MGAT4A: variants seen among roughly 807,000 people sequenced by gnomAD.
MGAT4A encodes N-acetylglucosaminyltransferase IVa.
MGAT4A carries 33 observed loss-of-function variants against 74.1 expected under a neutral mutation model. The observed-to-expected ratio is 0.45, with a 90% CI of 0.34 to 0.60. The LOEUF (loss-of-function observed/expected upper bound fraction) is 0.60. MGAT4A is among the 20% of genes least tolerant of loss of function. The pLI, the probability that MGAT4A is intolerant of heterozygous loss-of-function variation, is 0.02. For synonymous variants in MGAT4A, 198 were observed against 210.4 expected (o/e 0.94, Z 0.51); for missense variants, 479 against 628.3 (o/e 0.76, Z 2.54).
intron 2 of MGAT4A, among the ~76,000 whole-genome samples, chr2:98,709,727 C>T (rs1278962302): frequency 6.6e-6 from 1 of 152,174 alleles, no homozygotes; most frequent in Non-Finnish European, 1.5e-5. Flanking sequence ...AGCAACCAAG[C>T]TGCCAACAGA....
intron 14 of MGAT4A, among the ~76,000 whole-genome samples, chr2:98,633,505 T>C (rs903603708): frequency 5.3e-5 from 8 of 152,218 alleles, no homozygotes; most frequent in South Asian, 2.1e-4. Flanking sequence ...CCAGTTATAA[T>C]TGTTTTGCTA....
intron 3 of MGAT4A, among the ~76,000 whole-genome samples, chr2:98,675,413 C>T (rs749680189): frequency 2.6e-5 from 4 of 152,034 alleles, no homozygotes; most frequent in Admixed American, 6.6e-5. Context: ...GCTAGAGGAC[C>T]GTAAGAAGGT....
Position 98,624,750 on chromosome 2 carries a change from T to G in MGAT4A, c.*816A>C. The G allele has an allele frequency of 1.0e-6, 1 of 983,880 alleles. No homozygotes were observed. The highest frequency in any genetic ancestry group is 1.2e-6 in the Non-Finnish European group (1 of 828,140). 60.9% of individuals were successfully genotyped at this position (983,880 alleles called of 1,614,324 possible). A position where few individuals can be genotyped will look rare whatever the true frequency, so the allele number is the denominator to read the frequency against. ...TAAGTCTACAATAATCTGGGTTGAATGCATCACACTTACACATTGAAAATT... is the reference window on the plus strand; with the variant it reads ...TAAGTCTACAATAATCTGGGTTGAAGGCATCACACTTACACATTGAAAATT... On this transcript the variant is annotated 3_prime_UTR_variant, in exon 16 of 16. Transcript: ENST00000393487.
In MGAT4A at chr2:98,652,481, G is replaced by A. The variant is rs1234979471; in HGVS notation, c.774+2964C>T. 3.3e-5 allele frequency among the ~76,000 whole-genome samples: 5 copies of A among 151,818 alleles called. No homozygotes were observed. The East Asian group carries it at 5.8e-4, about 18-fold the overall frequency. Reference sequence around the variant, plus strand: ...TAGTAGCTGGGACTACTAGGCGCCCGCCACCACGCCCGGCTAATTTTTTGT... The same window carrying A: ...TAGTAGCTGGGACTACTAGGCGCCCACCACCACGCCCGGCTAATTTTTTGT... On this transcript the variant is annotated intron_variant, in intron 8 of 15. Transcript: ENST00000393487.
intron 4 of MGAT4A, among the ~76,000 whole-genome samples, chr2:98,669,822 G>C (rs1701888839): frequency 6.6e-6 from 1 of 152,160 alleles, no homozygotes; most frequent in Non-Finnish European, 1.5e-5. Context: ...AATAGCCCAT[G>C]AGTCATCAGC....
At chr2:98,691,687 G>A (rs1702196722) in intron 2 of MGAT4A, among the ~76,000 whole-genome samples, 1 of 152,154 alleles carries the variant, frequency 6.6e-6, no homozygotes. Context: ...TTCTTTTAGA[G>A]TATACTCCTT....
intron 2 of MGAT4A, among the ~76,000 whole-genome samples, chr2:98,687,630 T>C (rs942556271): frequency 2.0e-5 from 3 of 152,210 alleles, no homozygotes; most frequent in African/African-American, 4.8e-5. Flanking sequence ...ATCAAACTAC[T>C]GCTCTCACCT....
chr2:98,722,962 C>T (rs929475535), intron 2 of MGAT4A, among the ~76,000 whole-genome samples: 1 of 152,106 alleles, frequency 6.6e-6, no homozygotes, highest in Non-Finnish European at 1.5e-5. Context: ...CTACTCCTGC[C>T]CCACTCTCAC....
At chr2:98,725,497 C>G (rs1030040170) in intron 2 of MGAT4A, among the ~76,000 whole-genome samples, 3 of 151,872 alleles carry the variant, frequency 2.0e-5, no homozygotes, top group African/African-American at 7.3e-5. Flanking sequence ...TCTAACAAAC[C>G]AAATATGCAA....
rs1701091224 is a variant in MGAT4A, at chr2:98,623,416, A to G, written c.*2150T>C. On this transcript the variant is annotated 3_prime_UTR_variant, in exon 16 of 16. Transcript: ENST00000393487. ...TGGCAACTGAGGAACCAGGGACCCA[A>G]GAGTACTCCTAAGCCCACCTGCAGA... 1.0e-6 allele frequency: 1 copy of G among 985,318 alleles called. No homozygotes were observed. The highest frequency in any genetic ancestry group is 1.7e-5 in the African/African-American group (1 of 57,250). 61.0% of individuals were successfully genotyped at this position (985,318 alleles called of 1,614,324 possible).
At chr2:98,726,601 C>G in intron 1 of MGAT4A, 34 bp from the exon 2 acceptor site, 1 of 396,174 alleles carries the variant, frequency 2.5e-6, no homozygotes, top group Non-Finnish European at 4.5e-6. Context: ...CAAGCTCATT[C>G]GGTAATGCAA....
chr2:98,629,819 A>G (rs1047220535), intron 14 of MGAT4A, among the ~76,000 whole-genome samples: 12 of 152,194 alleles, frequency 7.9e-5, no homozygotes, highest in Non-Finnish European at 1.6e-4. Flanking sequence ...TGAGGCAGGC[A>G]GATCACCTGA....
chr2:98,635,459 T>A (rs899757153), intron 13 of MGAT4A, among the ~76,000 whole-genome samples, 171 bp from the exon 14 acceptor site: 1 of 152,244 alleles, frequency 6.6e-6, no homozygotes, highest in Non-Finnish European at 1.5e-5. Flanking sequence ...TAATAAAAGA[T>A]GTTTTCTTAA....
chr2:98,655,263 A>C (rs1164185100), intron 8 of MGAT4A, among the ~76,000 whole-genome samples, 182 bp downstream of exon 8: 2 of 152,150 alleles, frequency 1.3e-5, no homozygotes, highest in East Asian at 3.8e-4. Flanking sequence ...TTCCCTACTC[A>C]GTGGAGAAAC....
At chr2:98,633,751 GTC>G (rs1412526029) in intron 14 of MGAT4A, among the ~76,000 whole-genome samples, 2 of 152,150 alleles carry the variant, frequency 1.3e-5, no homozygotes, top group African/African-American at 4.8e-5. Flanking sequence ...TAATATAGAT[GTC>G]TCTATTTCCT....
At chr2:98,715,306 A>G (rs1244876953) in intron 2 of MGAT4A, among the ~76,000 whole-genome samples, 1 of 137,776 alleles carries the variant, frequency 7.3e-6, no homozygotes, top group African/African-American at 2.8e-5. Flanking sequence ...TGACAGAGCT[A>G]GACTTCATCT....
At chr2:98,658,496 T>C (rs1294397795) in intron 5 of MGAT4A, among the ~76,000 whole-genome samples, 1 of 152,206 alleles carries the variant, frequency 6.6e-6, no homozygotes, top group East Asian at 1.9e-4. Flanking sequence ...TTGTCTGTGT[T>C]GCATTCACTA....
chr2:98,713,592 T>C (rs1702547902), intron 2 of MGAT4A, among the ~76,000 whole-genome samples: 2 of 152,146 alleles, frequency 1.3e-5, no homozygotes, highest in South Asian at 4.1e-4. Context: ...CGAAACCCTG[T>C]CTACACTAAA....
chr2:98,712,525 C>T (rs1017050155), intron 2 of MGAT4A, among the ~76,000 whole-genome samples: 7 of 152,214 alleles, frequency 4.6e-5, no homozygotes, highest in African/African-American at 1.7e-4. Flanking sequence ...GTTTGTTACA[C>T]AGGTGTGCCC....
Sources: allele counts gnomAD v4.1 joint callset (sites outside exome capture counted in the v4.1 genomes callset), GRCh38; gene constraint gnomAD v4.1.1; transcripts MANE v1.5; gene names NCBI Gene and HGNC (gene_info 2026-07-23, HGNC 2026-07-21).